Variants in MTMR3 observed in about 807,000 individuals in gnomAD.
MTMR3 encodes phosphatidylinositol-3,5-bisphosphate 3-phosphatase MTMR3.
MTMR3 carries 32 observed loss-of-function variants against 132.4 expected under a neutral mutation model. The ratio of observed to expected loss-of-function variants is 0.24; its 90% CI spans 0.18 to 0.32. MTMR3 has a LOEUF of 0.32. MTMR3 is among the 10% of genes least tolerant of loss of function. MTMR3 has a pLI of 1.00. For synonymous variants in MTMR3, 556 were observed against 550.3 expected (o/e 1.01, Z -0.14); for missense variants, 1,216 against 1,489.6 (o/e 0.82, Z 3.02).
intron 1 of MTMR3, among the ~76,000 whole-genome samples, chr22:29,908,318 T>C (rs2065142606): frequency 6.6e-6 from 1 of 152,220 alleles, no homozygotes; most frequent in African/African-American, 2.4e-5. Context: ...ATCGTGTTCA[T>C]GTCAGACACT....
intron 7 of MTMR3, 55 bp downstream of exon 7, chr22:29,991,725 A>G: frequency 6.7e-7 from 1 of 1,488,488 alleles, no homozygotes; most frequent in Non-Finnish European, 8.9e-7. Flanking sequence ...CTACTGATGG[A>G]GGTACTTTTA....
intron 5 of MTMR3, chr22:29,982,518 C>A (rs1271810143): frequency 6.6e-6 from 1 of 152,162 alleles, no homozygotes; most frequent in African/African-American, 2.4e-5. Flanking sequence ...ATATCAAACA[C>A]ATTTAAACCA....
In MTMR3 at chr22:30,009,008, C is replaced by T. The variant is rs1418900264; in HGVS notation, c.1010-10C>T. On this transcript the variant is annotated splice_polypyrimidine_tract_variant and intron_variant, in intron 11 of 19. Transcript: ENST00000401950. ...CGTATTTGTGTTCTCTTTATTGTTA[C>T]TCTCTCCAGAGTATTACCCAAACTG... is the stretch of plus-strand genomic sequence containing the variant. 1.3e-6 allele frequency: 2 copies of T among 1,561,060 alleles called. No homozygotes were observed. The highest frequency in any genetic ancestry group is 1.4e-5 in the African/African-American group (1 of 73,614).
chr22:30,021,867 A>C (rs1264539626), intron 17 of MTMR3, 162 bp from the exon 18 acceptor site: 3 of 626,196 alleles, frequency 4.8e-6, no homozygotes, highest in Non-Finnish European at 2.9e-6. Flanking sequence ...CCCACACTGC[A>C]CTTCTTCACC....
chr22:29,969,887 C>T (rs1042502735), intron 2 of MTMR3, among the ~76,000 whole-genome samples: 1 of 152,210 alleles, frequency 6.6e-6, no homozygotes, highest in African/African-American at 2.4e-5. Flanking sequence ...AATGCCTCAA[C>T]ACAATCTGGG....
chr22:29,919,094 T>C (rs1282447728), intron 1 of MTMR3, among the ~76,000 whole-genome samples: 2 of 152,218 alleles, frequency 1.3e-5, no homozygotes, highest in South Asian at 2.1e-4. Context: ...GGCAAAAATA[T>C]AAAATTATCA....
chr22:29,923,086 GGCTGGGGTGCAGTGGC>G (rs1318456516), intron 1 of MTMR3, among the ~76,000 whole-genome samples: 4 of 147,658 alleles, frequency 2.7e-5, no homozygotes, highest in African/African-American at 1.0e-4. Flanking sequence ...CTATTGCCCA[GGCTGGGGTGCAGTGGC>G]GCCATCTCGG....
chr22:29,969,959 T>C (rs1334253553), intron 2 of MTMR3, among the ~76,000 whole-genome samples: 9 of 152,234 alleles, frequency 5.9e-5, no homozygotes, highest in Non-Finnish European at 1.3e-4. Flanking sequence ...AAGAGTTTTA[T>C]GCTGCACATT....
At chr22:29,924,973 CTAAG>C (rs1284706676) in intron 1 of MTMR3, among the ~76,000 whole-genome samples, 3 of 152,192 alleles carry the variant, frequency 2.0e-5, no homozygotes, top group South Asian at 2.1e-4. Flanking sequence ...ATATAATTGT[CTAAG>C]TAATAGGCTT....
chr22:29,967,193 TTGTGTGTGTGTGTGTGTG>T (rs10680622), intron 2 of MTMR3, among the ~76,000 whole-genome samples: 57 of 141,958 alleles, frequency 4.0e-4, no homozygotes, highest in Non-Finnish European at 6.5e-4. Flanking sequence ...TTCACCTCTG[TTGTGTGTGTGTGTGTGTG>T]TGTGTGTGTG....
intron 1 of MTMR3, among the ~76,000 whole-genome samples, chr22:29,937,386 T>G (rs1255047334): frequency 6.6e-6 from 1 of 151,384 alleles, no homozygotes; most frequent in Non-Finnish European, 1.5e-5. Flanking sequence ...TTTTTTGTGC[T>G]TGTTCACTTT....
chr22:29,989,470 G>C (rs2066918253), intron 6 of MTMR3: 1 of 152,054 alleles, frequency 6.6e-6, no homozygotes. Flanking sequence ...CTCGTGATCT[G>C]CCCGTCTCGG....
At position 30,021,636 on chromosome 22, in the gene MTMR3, G is replaced by A. The variant is rs145440956; in HGVS notation, c.3226-393G>A. 12 of 193,962 alleles carry A rather than the reference G, an allele frequency of 6.2e-5. No individual in the cohort carries two copies. The East Asian group carries it at 1.7e-3, about 28-fold the overall frequency. 12.0% of individuals were successfully genotyped at this position (193,962 alleles called of 1,614,324 possible). A position where few individuals can be genotyped will look rare whatever the true frequency, so the allele number is the denominator to read the frequency against. On this transcript the variant is annotated intron_variant, in intron 17 of 19. Coordinates refer to ENST00000401950, the MANE Select transcript of MTMR3 (RefSeq NM_021090.4). ...AATGATAGTTTCTCATGTTCCCAGAGAGTCCTTCTAAGAAAAGGAGGGCAT... is the reference window on the plus strand; with the variant it reads ...AATGATAGTTTCTCATGTTCCCAGAAAGTCCTTCTAAGAAAAGGAGGGCAT...
chr22:30,014,762 C>T (rs2067531398), intron 14 of MTMR3: 1 of 152,136 alleles, frequency 6.6e-6, no homozygotes, highest in African/African-American at 2.4e-5. Flanking sequence ...ATTCTCCCGC[C>T]TTGGTTGCCC....
chr22:30,019,181 C>T (rs547136002), intron 16 of MTMR3: 75 of 236,882 alleles, frequency 3.2e-4, no homozygotes, highest in African/African-American at 1.5e-3. Context: ...CCAGCCTGGG[C>T]GACAGAGTGA....
At chr22:29,992,519 T>TTC (rs1314011790) in intron 7 of MTMR3, 1 of 152,242 alleles carries the variant, frequency 6.6e-6, no homozygotes, top group Non-Finnish European at 1.5e-5. Context: ...ACCATGTTAT[T>TTC]TCTCTGCATG....
intron 5 of MTMR3, chr22:29,981,530 G>A (rs1032847505): frequency 3.9e-5 from 6 of 152,164 alleles, no homozygotes; most frequent in African/African-American, 1.4e-4. Flanking sequence ...GAGCCTACAT[G>A]TTACTTAAAA....
chr22:29,921,671 C>CT (rs2065416546), intron 1 of MTMR3, among the ~76,000 whole-genome samples: 2 of 152,146 alleles, frequency 1.3e-5, no homozygotes, highest in South Asian at 4.1e-4. Flanking sequence ...TTACTAAACA[C>CT]TAACTCCCCA....
intron 7 of MTMR3, chr22:29,994,223 G>A: frequency 2.4e-6 from 2 of 833,976 alleles, no homozygotes; most frequent in Non-Finnish European, 2.9e-6. Context: ...GTTGCATTTT[G>A]TTTCTTCCCA....
Sources: allele counts gnomAD v4.1 joint callset (sites outside exome capture counted in the v4.1 genomes callset), GRCh38; gene constraint gnomAD v4.1.1; transcripts MANE v1.5; gene names NCBI Gene and HGNC (gene_info 2026-07-23, HGNC 2026-07-21).